The following NRF1 variants were observed in gnomAD, a reference collection of about 807,000 sequenced individuals.
The protein encoded by NRF1 is nuclear respiratory factor 1.
Under a neutral mutation model 58.5 loss-of-function variants are expected in NRF1, and 5 were observed. That is an observed-to-expected ratio of 0.09 (90% CI 0.04 to 0.18). NRF1 has a LOEUF of 0.18. Among genes scored for constraint, NRF1 ranks in the 10% least tolerant of loss-of-function variants. The pLI is 1.00. For missense variants in NRF1, 288 were observed against 657.7 expected, an observed-to-expected ratio of 0.44 and a Z score of 6.15; for synonymous variants, 224 against 246.7, an observed-to-expected ratio of 0.91 and a Z score of 0.86.
intron 2 of NRF1, among the ~76,000 whole-genome samples, chr7:129,664,188 G>A (rs1801870160): frequency 6.6e-6 from 1 of 151,934 alleles, no homozygotes; most frequent in African/African-American, 2.4e-5. Flanking sequence ...GAGGGAGAGG[G>A]ATCCAATTTA....
intron 1 of NRF1, among the ~76,000 whole-genome samples, chr7:129,649,062 C>T (rs999323171): frequency 1.3e-5 from 2 of 151,952 alleles, no homozygotes; most frequent in African/African-American, 4.8e-5. Context: ...TCCATTTTTA[C>T]TCACAATTAA....
At chr7:129,720,930 C>G (rs1562982801) in intron 9 of NRF1, among the ~76,000 whole-genome samples, 1 of 151,764 alleles carries the variant, frequency 6.6e-6, no homozygotes, top group African/African-American at 2.4e-5. Flanking sequence ...GGAAGGGAAT[C>G]AAAGTGAACA....
In NRF1 at chr7:129,685,556, A is replaced by AGTGTGTGTGTGTGT. The variant is rs67721424; in HGVS notation, c.466-4815_466-4802dup. On this transcript the variant is annotated intron_variant, in intron 4 of 10. Coordinates refer to ENST00000393232, the MANE Select transcript of NRF1 (RefSeq NM_005011.5). ...AACATGTAAGACCCTGTCTCATTCA[A>AGTGTGTGTGTGTGT]GTGTGTGTGTGTGTGTGTGTGTGTG... 7.3e-4 allele frequency among the ~76,000 whole-genome samples: 105 copies of AGTGTGTGTGTGTGT among 143,098 alleles called. 1 individual carries two copies. Among genetic ancestry groups the AGTGTGTGTGTGTGT allele is most frequent in the Admixed American group, 3.2e-3 (46 of 14,172 alleles). The allele number at this position is 143,098 out of a possible 152,430, so 93.9% of individuals were successfully genotyped here.
chr7:129,646,586 C>CTGGT (rs1247276008), intron 1 of NRF1, among the ~76,000 whole-genome samples: 1 of 152,206 alleles, frequency 6.6e-6, no homozygotes, highest in African/African-American at 2.4e-5. Context: ...TGCCATTCAG[C>CTGGT]TGGTACTCAA....
intron 3 of NRF1, among the ~76,000 whole-genome samples, chr7:129,674,880 G>C (rs574678519): frequency 6.6e-6 from 1 of 152,070 alleles, no homozygotes; most frequent in African/African-American, 2.4e-5. Flanking sequence ...GGGTGGCTGC[G>C]GCAATTTCTT....
chr7:129,631,920 G>A (rs1801057864), intron 1 of NRF1, among the ~76,000 whole-genome samples: 2 of 152,138 alleles, frequency 1.3e-5, no homozygotes, highest in African/African-American at 2.4e-5. Flanking sequence ...TCAGATTGCT[G>A]TTTGCTTATA....
chr7:129,684,788 C>T (rs1321446849), intron 4 of NRF1, among the ~76,000 whole-genome samples: 5 of 152,122 alleles, frequency 3.3e-5, no homozygotes, highest in African/African-American at 9.7e-5. Context: ...GTATTTACTT[C>T]GTCAACATAT....
intron 4 of NRF1, among the ~76,000 whole-genome samples, chr7:129,681,012 T>C (rs951096514): frequency 2.0e-5 from 3 of 152,162 alleles, no homozygotes; most frequent in South Asian, 2.1e-4. Context: ...ACAGCAAAAG[T>C]GCAGTTGTAA....
intron 1 of NRF1, among the ~76,000 whole-genome samples, chr7:129,654,564 A>C (rs185897067): frequency 6.6e-6 from 1 of 152,188 alleles, no homozygotes; most frequent in African/African-American, 2.4e-5. Flanking sequence ...ATTTTCTCCT[A>C]TGTTATCTTA....
At position 129,717,250 on chromosome 7, in the gene NRF1, G is replaced by A. The variant is rs1584667835; in HGVS notation, c.1097G>A (p.Gly366Asp). The A allele has an allele frequency of 1.2e-6, 2 of 1,613,642 alleles. No individual in the cohort carries two copies. Among genetic ancestry groups the A allele is most frequent in the Non-Finnish European group, 1.7e-6 (2 of 1,179,808 alleles). ...CAAAATTGGGCCACGTTACAGGGAG[G>A]TGAGATGACCATCCAGACGACGCAA... ...VEQNWATLQG[G>D]EMTIQTTQAS... The change falls in exon 9 of 11, where the codon GGT (glycine) becomes GAT (aspartate). Residue 366 changes from glycine to aspartate, a missense_variant. Gly to Asp is a moderately conservative substitution (Grantham distance 94, BLOSUM62 -1). This residue lies in a region of NRF1 where 212 missense variants were observed against 559.7 expected (regional missense o/e 0.38). Transcript: ENST00000393232.
At chr7:129,651,828 C>T (rs1420956854) in intron 1 of NRF1, among the ~76,000 whole-genome samples, 2 of 151,970 alleles carry the variant, frequency 1.3e-5, no homozygotes, top group African/African-American at 4.8e-5. Context: ...GGATATATTC[C>T]CTTGGATATT....
chr7:129,746,310 T>G (rs2116311541), intron 10 of NRF1, among the ~76,000 whole-genome samples: 1 of 152,324 alleles, frequency 6.6e-6, no homozygotes, highest in Admixed American at 6.5e-5. Context: ...CTCCTTTTTG[T>G]TTGATATTGA....
rs372867173 is a variant in NRF1 at position 129,623,096 on chromosome 7, G to A, written c.-7+11272G>A. On this transcript the variant is annotated intron_variant, in intron 1 of 10. Transcript: ENST00000393232. ...CTGAGGTAAGGGTAACTTGGAGTAA[G>A]GGTGTAAGGGCTTGCCAATGAAAGC... Among the ~76,000 whole-genome samples, 13 of 152,292 alleles carry A rather than the reference G, an allele frequency of 8.5e-5. No individual in the cohort carries two copies. In the East Asian group the frequency reaches 2.3e-3, roughly 27 times the overall value.
rs1314060885 is a variant in NRF1, at chr7:129,636,421, A to T, written c.-6-20925A>T. On this transcript the variant is annotated intron_variant, in intron 1 of 10. Transcript: ENST00000393232. ...ACTAATTTTTGTATTTTTAGTAGAG[A>T]TGGGGTCTCACCATGTTGGCCAGGC... Among the ~76,000 whole-genome samples, 3 of 152,140 alleles carry T rather than the reference A, an allele frequency of 2.0e-5. No individual in the cohort carries two copies. The East Asian group carries it at 5.8e-4, about 29-fold the overall frequency.
At chr7:129,708,111 G>T (rs1802992304) in intron 5 of NRF1, among the ~76,000 whole-genome samples, 2 of 152,092 alleles carry the variant, frequency 1.3e-5, no homozygotes, top group Admixed American at 1.3e-4. Context: ...GGGCAGTATG[G>T]GTGCATCCTT....
chr7:129,722,386 C>T (rs147005213), intron 9 of NRF1, among the ~76,000 whole-genome samples: 6 of 149,932 alleles, frequency 4.0e-5, no homozygotes, highest in East Asian at 3.9e-4. Flanking sequence ...AGCGAAACTC[C>T]GTCTCAGAAA....
chr7:129,654,574 A>G (rs959996297), intron 1 of NRF1, among the ~76,000 whole-genome samples: 4 of 152,172 alleles, frequency 2.6e-5, no homozygotes, highest in African/African-American at 9.7e-5. Context: ...ATGTTATCTT[A>G]TAGGAGTTTT....
intron 1 of NRF1, among the ~76,000 whole-genome samples, chr7:129,651,760 T>C (rs1024180199): frequency 6.6e-6 from 1 of 152,216 alleles, no homozygotes; most frequent in African/African-American, 2.4e-5. Context: ...ATATATTATA[T>C]TCAATTGTGT....
At chr7:129,631,296 T>C (rs1361840223) in intron 1 of NRF1, among the ~76,000 whole-genome samples, 2 of 151,958 alleles carry the variant, frequency 1.3e-5, no homozygotes, top group Non-Finnish European at 1.5e-5. Flanking sequence ...CACTGCTCAC[T>C]GTAGCCTTGA....
Sources: gnomAD v4.1 joint callset for allele counts (sites outside exome capture counted in the v4.1 genomes callset) on GRCh38, gnomAD v4.1.1 for gene constraint, gnomAD v4.1.1 regional missense constraint, MANE v1.5 for transcripts, NCBI Gene and HGNC (gene_info 2026-07-23, HGNC 2026-07-21) for gene names.